Variants in TRPM3 observed in about 807,000 individuals in gnomAD.
TRPM3 encodes the protein transient receptor potential cation channel subfamily M member 3, also known as long transient receptor potential channel 3.
Under a neutral mutation model 181.2 loss-of-function variants are expected in TRPM3, and 77 were observed. The observed-to-expected ratio is 0.42, with a 90% CI of 0.35 to 0.51. The LOEUF (loss-of-function observed/expected upper bound fraction) is 0.51, where lower values mean the gene tolerates loss of function less well. Among genes scored for constraint, TRPM3 ranks in the 20% least tolerant of loss-of-function variants. The pLI, the probability that TRPM3 is intolerant of heterozygous loss-of-function variation, is 0.01. For missense variants in TRPM3, 1,759 were observed against 2,196.7 expected, an observed-to-expected ratio of 0.80 and a Z score of 3.98; for synonymous variants, 745 against 796.4, an observed-to-expected ratio of 0.94 and a Z score of 1.09.
chr9:71,236,509 T>C (rs1012120445), intron 1 of TRPM3, among the ~76,000 whole-genome samples: 4 of 152,110 alleles, frequency 2.6e-5, no homozygotes, highest in Non-Finnish European at 5.9e-5. Flanking sequence ...TTTCACTTAA[T>C]AGGAATCAAA....
chr9:71,209,447 A>C (rs192043597), intron 1 of TRPM3, among the ~76,000 whole-genome samples: 1 of 152,254 alleles, frequency 6.6e-6, no homozygotes, highest in Non-Finnish European at 1.5e-5. Flanking sequence ...CTATCAAATT[A>C]ATTGGACCAA....
chr9:70,692,719 A>T (rs1344003918), intron 8 of TRPM3, among the ~76,000 whole-genome samples: 99 of 152,198 alleles, frequency 6.5e-4, no homozygotes, highest in Admixed American at 6.5e-3. Flanking sequence ...GGGGTCCTGA[A>T]AAAACATATT....
intron 1 of TRPM3, among the ~76,000 whole-genome samples, chr9:71,160,510 G>A (rs1026946945): frequency 8.0e-4 from 122 of 152,146 alleles, no homozygotes; most frequent in African/African-American, 2.7e-3. Context: ...CCCAACTCCA[G>A]AACACTACTT....
chr9:71,093,091 G>T lies in TRPM3; in HGVS notation c.177+28087C>A, dbSNP rs539329535. ...CTTTATACAAAAATTAACTTAGGGT[G>T]GATTAAAGACTTAAATGTAAAACCC... On this transcript the variant is annotated intron_variant, in intron 1 of 25. Coordinates refer to ENST00000677713, the MANE Select transcript of TRPM3 (RefSeq NM_001366145.2). 2.2e-4 allele frequency among the ~76,000 whole-genome samples: 34 copies of T among 152,154 alleles called. No individual in the cohort carries two copies. The South Asian group carries it at 7.1e-3, about 32-fold the overall frequency.
intron 7 of TRPM3, among the ~76,000 whole-genome samples, chr9:70,772,053 A>C (rs1434648149): frequency 6.6e-6 from 1 of 152,182 alleles, no homozygotes; most frequent in African/African-American, 2.4e-5. Flanking sequence ...TGGAGGAAAG[A>C]ATATAATTAA....
At chr9:70,681,842 C>T (rs112200051) in intron 8 of TRPM3, among the ~76,000 whole-genome samples, 6 of 152,110 alleles carry the variant, frequency 3.9e-5, no homozygotes, top group African/African-American at 1.4e-4. Flanking sequence ...GTCTAATGGT[C>T]GTGTTCCCCC....
intron 1 of TRPM3, among the ~76,000 whole-genome samples, chr9:71,203,379 T>C (rs191871366): frequency 6.6e-6 from 1 of 152,206 alleles, no homozygotes; most frequent in South Asian, 2.1e-4. Flanking sequence ...TCTTAACATG[T>C]CTCAGTAAGT....
At chr9:71,151,469 C>T (rs1384172374) in intron 1 of TRPM3, among the ~76,000 whole-genome samples, 2 of 152,118 alleles carry the variant, frequency 1.3e-5, no homozygotes, top group East Asian at 1.9e-4. Flanking sequence ...AAAAGACATA[C>T]ATATGTGAAG....
intron 1 of TRPM3, among the ~76,000 whole-genome samples, chr9:71,241,933 C>T (rs1450193527): frequency 1.3e-5 from 2 of 152,202 alleles, no homozygotes; most frequent in Non-Finnish European, 2.9e-5. Flanking sequence ...TTGGGACATT[C>T]ATTTAATTAG....
intron 1 of TRPM3, among the ~76,000 whole-genome samples, chr9:70,920,909 C>T (rs1448501985): frequency 6.6e-6 from 1 of 152,090 alleles, no homozygotes; most frequent in Non-Finnish European, 1.5e-5. Flanking sequence ...CGGTTGCATA[C>T]TCTCAATTAA....
At chr9:70,578,199 A>G (rs999677909) in intron 22 of TRPM3, among the ~76,000 whole-genome samples, 2 of 152,012 alleles carry the variant, frequency 1.3e-5, no homozygotes, top group Admixed American at 1.3e-4. Flanking sequence ...GCTTTATCAC[A>G]AATGGTGAGC....
At chr9:71,352,654 T>C (rs943834015) in intron 1 of TRPM3, among the ~76,000 whole-genome samples, 1 of 152,186 alleles carries the variant, frequency 6.6e-6, no homozygotes, top group South Asian at 2.1e-4. Flanking sequence ...TCTTTATAAA[T>C]ACTTCCTAAA....
At chr9:70,580,099 AAG>A (rs935301183) in intron 22 of TRPM3, among the ~76,000 whole-genome samples, 1 of 152,184 alleles carries the variant, frequency 6.6e-6, no homozygotes, top group African/African-American at 2.4e-5. Flanking sequence ...TGACTCTTAA[AAG>A]AGAAGGTTGT....
rs2041544583 is a variant in TRPM3 at position 70,535,676 on chromosome 9, A to C, written c.*277T>G. 1 of 1,440,274 alleles carries C rather than the reference A, an allele frequency of 6.9e-7. No homozygotes were observed. The highest frequency in any genetic ancestry group is 2.5e-5 in the East Asian group (1 of 40,146). 89.2% of individuals were successfully genotyped at this position (1,440,274 alleles called of 1,614,324 possible). On this transcript the variant is annotated 3_prime_UTR_variant, in exon 26 of 26. Transcript: ENST00000677713. ...GGCTTTCTGCTGTGACTGCGGATAC[A>C]CATTCATCTCTAACCCTTCCTTCTC...
intron 1 of TRPM3, among the ~76,000 whole-genome samples, chr9:71,049,151 T>C (rs936516510): frequency 6.6e-6 from 1 of 152,118 alleles, no homozygotes; most frequent in Non-Finnish European, 1.5e-5. Flanking sequence ...GGTACAGTCA[T>C]TGCTCGAGAG....
At chr9:71,446,852 T>G (rs1295118026), upstream of TRPM3, 1 of 1,529,738 alleles carries the variant, frequency 6.5e-7, no homozygotes, top group East Asian at 2.5e-5. Flanking sequence ...TTCGCCTCCC[T>G]CGGCCGGGAA....
chr9:70,782,820 G>T (rs181156309), intron 7 of TRPM3, among the ~76,000 whole-genome samples: 7 of 152,060 alleles, frequency 4.6e-5, no homozygotes, highest in Admixed American at 2.0e-4. Flanking sequence ...TTTCGGGTTT[G>T]CAGTGTTAAG....
chr9:70,776,448 C>T, intron 7 of TRPM3: 1 of 713,690 alleles, frequency 1.4e-6, no homozygotes, highest in Non-Finnish European at 2.6e-6. Context: ...TTTCCTCTTC[C>T]TTTTTTCTTT....
intron 6 of TRPM3, chr9:70,810,193 C>T: frequency 2.3e-6 from 1 of 425,694 alleles, no homozygotes; most frequent in Non-Finnish European, 4.9e-6. Context: ...CCTCCACCCC[C>T]ACCCTCCTCT....
Sources: gnomAD v4.1 joint callset for allele counts (sites outside exome capture counted in the v4.1 genomes callset) on GRCh38, gnomAD v4.1.1 for gene constraint, MANE v1.5 for transcripts, NCBI Gene and HGNC (gene_info 2026-07-23, HGNC 2026-07-21) for gene names.